The following MCTP1 variants were observed in gnomAD, a reference collection of about 807,000 sequenced individuals.
MCTP1 encodes multiple C2 and transmembrane domain-containing protein 1.
In MCTP1, 69 loss-of-function variants were observed where a neutral mutation model predicts 120.6. That is an observed-to-expected ratio of 0.57 (90% CI 0.47 to 0.70). MCTP1 has a LOEUF of 0.70. Among genes scored for constraint, MCTP1 ranks in the 30% least tolerant of loss-of-function variants. The pLI, the probability that MCTP1 is intolerant of heterozygous loss-of-function variation, is 0.00. For synonymous variants in MCTP1, 529 were observed against 493.1 expected (o/e 1.07, Z -0.96); for missense variants, 1,203 against 1,248.8 (o/e 0.96, Z 0.55).
chr5:94,849,724 A>C (rs1000288683), intron 17 of MCTP1, among the ~76,000 whole-genome samples: 4 of 152,148 alleles, frequency 2.6e-5, no homozygotes, highest in African/African-American at 9.7e-5. Flanking sequence ...AGTCCTAAAA[A>C]CATGTACTAT....
At chr5:94,752,076 T>G in intron 19 of MCTP1, among the ~76,000 whole-genome samples, 1 of 136,428 alleles carries the variant, frequency 7.3e-6, no homozygotes, top group African/African-American at 2.7e-5. Flanking sequence ...ACCTGCACAT[T>G]GTGCACATGT....
chr5:95,020,630 T>A (rs1209759658), intron 1 of MCTP1, among the ~76,000 whole-genome samples: 4 of 152,032 alleles, frequency 2.6e-5, no homozygotes, highest in South Asian at 2.1e-4. Context: ...TCCCCTCTAA[T>A]GACTTCTGTA....
At chr5:95,114,690 G>C (rs116154491) in intron 1 of MCTP1, among the ~76,000 whole-genome samples, 1,548 of 152,328 alleles carry the variant, frequency 0.01, 25 homozygotes, top group African/African-American at 0.035. Context: ...TGTAGTCCCT[G>C]GCTCCTGGAT....
At chr5:94,980,304 G>A (rs1279542614) in intron 2 of MCTP1, among the ~76,000 whole-genome samples, 1 of 152,050 alleles carries the variant, frequency 6.6e-6, no homozygotes, top group Admixed American at 6.6e-5. Flanking sequence ...ACTAAGTGAT[G>A]AATGAATAAT....
At chr5:95,058,546 AC>A (rs1748035806) in intron 1 of MCTP1, among the ~76,000 whole-genome samples, 1 of 152,234 alleles carries the variant, frequency 6.6e-6, no homozygotes, top group South Asian at 2.1e-4. Flanking sequence ...ACTTTCCAGA[AC>A]TGTTACGGGG....
At chr5:95,199,457 C>A (rs1416934486) in intron 1 of MCTP1, among the ~76,000 whole-genome samples, 1 of 152,042 alleles carries the variant, frequency 6.6e-6, no homozygotes, top group Non-Finnish European at 1.5e-5. Context: ...ATACAAATGG[C>A]CAACAGGTGT....
At chr5:94,838,565 G>A (rs2153190431) in intron 17 of MCTP1, among the ~76,000 whole-genome samples, 1 of 152,242 alleles carries the variant, frequency 6.6e-6, no homozygotes, top group South Asian at 2.1e-4. Context: ...CCCATACAAT[G>A]CACTGGAAAA....
intron 1 of MCTP1, among the ~76,000 whole-genome samples, chr5:95,030,476 G>C (rs531423238): frequency 1.3e-5 from 2 of 152,170 alleles, no homozygotes; most frequent in African/African-American, 4.8e-5. Context: ...CCCCACAGGA[G>C]GTCATATGTT....
At chr5:94,878,111 T>C (rs1799301715) in intron 12 of MCTP1, among the ~76,000 whole-genome samples, 1 of 152,132 alleles carries the variant, frequency 6.6e-6, no homozygotes, top group Non-Finnish European at 1.5e-5. Context: ...ATAACTATAT[T>C]TTAATCCTTT....
chr5:94,910,155 T>C (rs968591656), intron 9 of MCTP1, among the ~76,000 whole-genome samples: 1 of 151,550 alleles, frequency 6.6e-6, no homozygotes, highest in African/African-American at 2.4e-5. Flanking sequence ...AGTATATACA[T>C]ATGTATATGC....
At chr5:95,175,705 G>A (rs1747886379) in intron 1 of MCTP1, among the ~76,000 whole-genome samples, 1 of 152,156 alleles carries the variant, frequency 6.6e-6, no homozygotes, top group African/African-American at 2.4e-5. Context: ...TTAAGTGTAA[G>A]GAGAAATGCC....
At chr5:95,183,545 G>A (rs535299365) in intron 1 of MCTP1, among the ~76,000 whole-genome samples, 2 of 152,074 alleles carry the variant, frequency 1.3e-5, no homozygotes, top group East Asian at 3.9e-4. Context: ...CAGAAATTTG[G>A]AGCATGAATT....
At chr5:94,916,874 G>A (rs1189085985) in intron 8 of MCTP1, among the ~76,000 whole-genome samples, 1 of 152,208 alleles carries the variant, frequency 6.6e-6, no homozygotes, top group African/African-American at 2.4e-5. Context: ...TCTAGAGTGA[G>A]GATTCTTGCT....
chr5:94,744,578 A>G (rs1766429864), intron 19 of MCTP1, among the ~76,000 whole-genome samples: 1 of 151,984 alleles, frequency 6.6e-6, no homozygotes, highest in Non-Finnish European at 1.5e-5. Context: ...ATCTCAGCTC[A>G]CTGCAACCTC....
At chr5:95,098,541 A>G (rs1308694824) in intron 1 of MCTP1, among the ~76,000 whole-genome samples, 1 of 152,070 alleles carries the variant, frequency 6.6e-6, no homozygotes, top group Admixed American at 6.5e-5. Flanking sequence ...AGAGAATAAA[A>G]TACCTAGGAA....
intron 17 of MCTP1, among the ~76,000 whole-genome samples, chr5:94,829,949 T>C (rs1258786856): frequency 2.6e-5 from 4 of 152,232 alleles, no homozygotes; most frequent in Non-Finnish European, 5.9e-5. Context: ...CTATGCTGTC[T>C]CGCTATTCAT....
chr5:95,282,142 T>C (rs1248425519), intron 1 of MCTP1, among the ~76,000 whole-genome samples: 1 of 152,246 alleles, frequency 6.6e-6, no homozygotes, highest in Non-Finnish European at 1.5e-5. Flanking sequence ...TACATAATAG[T>C]GTTAATTTAG....
At chr5:94,726,314 G>A (rs1396589931) in intron 19 of MCTP1, among the ~76,000 whole-genome samples, 1 of 152,190 alleles carries the variant, frequency 6.6e-6, no homozygotes, top group Non-Finnish European at 1.5e-5. Context: ...AAGGCCACTG[G>A]TTATACTCAT....
chr5:95,251,213 G>A (rs537832352), intron 1 of MCTP1, among the ~76,000 whole-genome samples: 4 of 152,072 alleles, frequency 2.6e-5, no homozygotes, highest in Admixed American at 2.0e-4. Context: ...AATAGAAAGG[G>A]GCCAGCAATC....
Sources: allele counts gnomAD v4.1 joint callset (sites outside exome capture counted in the v4.1 genomes callset), GRCh38; gene constraint gnomAD v4.1.1; transcripts MANE v1.5; gene names NCBI Gene and HGNC (gene_info 2026-07-23, HGNC 2026-07-21).